ZNF800: variants seen among roughly 807,000 people sequenced by gnomAD.
The protein encoded by ZNF800 is zinc finger protein 800.
Under a neutral mutation model 59.5 loss-of-function variants are expected in ZNF800, and 13 were observed. The ratio of observed to expected loss-of-function variants is 0.22; its 90% CI spans 0.14 to 0.35. ZNF800 has a LOEUF of 0.35. Ranked by LOEUF, ZNF800 falls within the 10% of genes least tolerant of loss-of-function variation. The pLI, the probability that ZNF800 is intolerant of heterozygous loss-of-function variation, is 1.00. For missense variants in ZNF800, 621 were observed against 783.7 expected, an observed-to-expected ratio of 0.79 and a Z score of 2.48; for synonymous variants, 266 against 265.7, an observed-to-expected ratio of 1.00 and a Z score of -0.01.
Position 127,377,165 on chromosome 7 carries a change from G to T in ZNF800, c.301+21C>A. The T allele has an allele frequency of 6.3e-7, 1 of 1,598,332 alleles. No individual in the cohort carries two copies. The highest frequency in any genetic ancestry group is 1.1e-5 in the South Asian group (1 of 87,802). On this transcript the variant is annotated intron_variant, in intron 4 of 5. Transcript: ENST00000265827. The surrounding 1 kb of genome is among the most constrained non-coding windows in gnomAD (Gnocchi z 4.7). ...ATACTTAGCTGTAAAATGCATAACT[G>T]AGTATATGAATAAAACTTACTGTCA... is the stretch of plus-strand genomic sequence containing the variant.
At chr7:127,361,711 T>C (rs1341696429) in intron 1 of ZNF800, 1 of 152,164 alleles carries the variant, frequency 6.6e-6, no homozygotes, top group East Asian at 1.9e-4. Flanking sequence ...CAAGTGTAGA[T>C]GGCTGAATAA....
rs1800817349 is a variant in ZNF800 at position 127,377,365 on chromosome 7, AG to A, written c.158-37del. ...AAAGAAAAGAAAAACTTAACACAAA[AG>A]GTAACTTTAACATGCACTTTTAAAC... On this transcript the variant is annotated intron_variant, in intron 3 of 5. Coordinates refer to ENST00000265827, the MANE Select transcript of ZNF800 (RefSeq NM_176814.5). This position sits in a 1 kb window ranked among gnomAD's most constrained non-coding sequence, Gnocchi z 4.7. 1.3e-6 allele frequency: 2 copies of A among 1,557,238 alleles called. No homozygotes were observed. The highest frequency in any genetic ancestry group is 1.7e-6 in the Non-Finnish European group (2 of 1,148,390).
At position 127,390,814 on chromosome 7, in the gene ZNF800, CAAATT is replaced by C. The variant is rs144816852; in HGVS notation, c.61+678_61+682del. 5.7e-3 allele frequency among the ~76,000 whole-genome samples: 867 copies of C among 152,202 alleles called. 10 individuals carry two copies. The highest frequency in any genetic ancestry group is 0.019 in the African/African-American group (786 of 41,520). On this transcript the variant is annotated intron_variant, in intron 2 of 5. Coordinates refer to ENST00000265827, the MANE Select transcript of ZNF800 (RefSeq NM_176814.5). ...ACTGTCAACAGTATATCAAGTTTATCAAATTAAAGTTTGCTAGTATTCTTCATGAG... is the reference window on the plus strand; with the variant it reads ...ACTGTCAACAGTATATCAAGTTTATCAAAGTTTGCTAGTATTCTTCATGAG...
rs770244060 is a variant in ZNF800, at chr7:127,374,828, T to G, written c.508A>C (p.Ile170Leu). The G allele has an allele frequency of 1.2e-6, 2 of 1,613,530 alleles. No individual in the cohort carries two copies. Among genetic ancestry groups the G allele is most frequent in the Non-Finnish European group, 1.7e-6 (2 of 1,179,762 alleles). Residue 170 changes from isoleucine to leucine, a missense_variant, in exon 5 of 6, where the codon ATA becomes CTA. Transcript: ENST00000265827. ...SSTPEQTEVQ[I>L]QETSTEQSKT... ...GACTGTTCAGTGCTAGTTTCCTGTA[T>G]CTGAACTTCGGTTTGTTCAGGAGTA...
Position 127,374,761 on chromosome 7 carries a change from T to G in ZNF800, c.575A>C (p.Glu192Ala), listed in dbSNP as rs1207720953. Residue 192 changes from glutamate (E) to alanine (A), a missense_variant, in exon 5 of 6, where the codon GAG (glutamate) becomes GCG (alanine). Around this residue, in one of 7 missense-constraint regions of ZNF800, gnomAD observed 218 missense variants for 230.8 expected, o/e 0.94. Transcript: ENST00000265827. ...TGTAACAATCTCAACAGGAGGGGGC[T>G]CTACAGTTTCCACCTCTGTATCTGT... ...PVTDTEVETV[E>A]PPPVEIVTDE... 1 of 1,613,842 alleles carries G rather than the reference T, an allele frequency of 6.2e-7. No individual in the cohort carries two copies. Among genetic ancestry groups the G allele is most frequent in the Non-Finnish European group, 8.5e-7 (1 of 1,179,934 alleles).
rs765010268 is a variant in ZNF800, at chr7:127,374,535, T to G, written c.801A>C (p.Arg267=). Residue 267 remains arginine (R), a synonymous_variant, in exon 5 of 6, where the codon CGA becomes CGC. Coordinates refer to ENST00000265827, the MANE Select transcript of ZNF800 (RefSeq NM_176814.5). The stretch of plus-strand genomic sequence containing the variant: ...CTTTAGAGGATTGGTTTGGATTCTT[T>G]CGTGTTTCAATGTACTTTTTTAGTT... ...MEELKKYIET[R]KNPNQSSKGR... The G allele has an allele frequency of 1.1e-5, 17 of 1,614,062 alleles. No homozygotes were observed. Among genetic ancestry groups the G allele is most frequent in the Middle Eastern group, 1.6e-4 (1 of 6,084 alleles).
chr7:127,351,191 C>T (rs962943784), intron 1 of ZNF800, among the ~76,000 whole-genome samples: 6 of 152,228 alleles, frequency 3.9e-5, no homozygotes, highest in African/African-American at 1.2e-4. Context: ...CTGCACTCCC[C>T]TTACACTATT....
At chr7:127,356,255 CTG>C (rs569310339) in intron 1 of ZNF800, among the ~76,000 whole-genome samples, 13 of 143,716 alleles carry the variant, frequency 9.0e-5, no homozygotes, top group South Asian at 2.4e-4. Flanking sequence ...AAAGTTGTGT[CTG>C]TGTGTGTGTG....
At chr7:127,381,229 T>C (rs1412413384) in intron 3 of ZNF800, among the ~76,000 whole-genome samples, 1 of 152,194 alleles carries the variant, frequency 6.6e-6, no homozygotes, top group East Asian at 1.9e-4. Flanking sequence ...TTGCTTACTA[T>C]TGGCTCAAAT....
intron 2 of ZNF800, among the ~76,000 whole-genome samples, chr7:127,388,895 T>C (rs1801223209): frequency 1.3e-5 from 2 of 152,180 alleles, no homozygotes; most frequent in African/African-American, 4.8e-5. Context: ...ATTATATTAA[T>C]ACTTTATAAA....
At chr7:127,357,073 T>C (rs1418048671) in intron 1 of ZNF800, among the ~76,000 whole-genome samples, 1 of 152,050 alleles carries the variant, frequency 6.6e-6, no homozygotes, top group African/African-American at 2.4e-5. Context: ...GCAGGGCTGA[T>C]TTCTGAAAAG....
chr7:127,374,878 G>A lies in ZNF800; in HGVS notation c.458C>T (p.Pro153Leu), dbSNP rs1225678768. ...VFQYISRTDN[P>L]IEVTESSSTP... Reference sequence around the variant, plus strand: ...ACTGCTTGACTCTGTGACTTCAATAGGATTATCAGTCCTCGAAATATATTG... The same window carrying A: ...ACTGCTTGACTCTGTGACTTCAATAAGATTATCAGTCCTCGAAATATATTG... Residue 153 changes from proline (P) to leucine (L), a missense_variant, in exon 5 of 6, where the codon CCT becomes CTT. Physicochemically the swap from Pro to Leu is moderately conservative, Grantham distance 98. This residue lies in a region of ZNF800 where 218 missense variants were observed against 230.8 expected (regional missense o/e 0.94). Coordinates refer to ENST00000265827, the MANE Select transcript of ZNF800 (RefSeq NM_176814.5). The A allele has an allele frequency of 1.9e-6, 3 of 1,613,712 alleles. No individual in the cohort carries two copies. Among genetic ancestry groups the A allele is most frequent in the Non-Finnish European group, 2.5e-6 (3 of 1,179,886 alleles).
chr7:127,379,836 A>ACACCCCCCC (rs1800905313), intron 3 of ZNF800, among the ~76,000 whole-genome samples: 1 of 27,636 alleles, frequency 3.6e-5, no homozygotes, highest in Non-Finnish European at 6.6e-5. Context: ...TACCCTTGCC[A>ACACCCCCCC]CCCCCCCACC....
chr7:127,387,872 AAATT>A (rs750580103), intron 2 of ZNF800, among the ~76,000 whole-genome samples: 60 of 151,856 alleles, frequency 4.0e-4, no homozygotes, highest in East Asian at 7.7e-4. Flanking sequence ...ATAAATAAAC[AAATT>A]AATTAATTAA....
At chr7:127,363,050 A>AT (rs1800426500) in intron 1 of ZNF800, 1 of 152,134 alleles carries the variant, frequency 6.6e-6, no homozygotes, top group African/African-American at 2.4e-5. Flanking sequence ...AAGTTAAGGC[A>AT]TTTGCCAGGA....
downstream of ZNF800, among the ~76,000 whole-genome samples, chr7:127,365,103 T>C (rs1800477838): frequency 6.6e-6 from 1 of 152,096 alleles, no homozygotes; most frequent in African/African-American, 2.4e-5. Flanking sequence ...GTATTAAGAA[T>C]TATCAAGAAA....
chr7:127,391,607 G>C lies in ZNF800; in HGVS notation c.-50C>G. 3 of 1,564,072 alleles carry C rather than the reference G, an allele frequency of 1.9e-6. No individual in the cohort carries two copies. Among genetic ancestry groups the C allele is most frequent in the Non-Finnish European group, 2.6e-6 (3 of 1,134,750 alleles). ...CTTTCACTGTAAGAAGCTCTTCATTGCGGCGTGGCTGTTGAAAGAAGCACA... is the reference window on the plus strand; with the variant it reads ...CTTTCACTGTAAGAAGCTCTTCATTCCGGCGTGGCTGTTGAAAGAAGCACA... On this transcript the variant is annotated 5_prime_UTR_variant, in exon 2 of 6. Coordinates refer to ENST00000265827, the MANE Select transcript of ZNF800 (RefSeq NM_176814.5).
intron 1 of ZNF800, among the ~76,000 whole-genome samples, chr7:127,359,289 T>C (rs1800345513): frequency 6.6e-6 from 1 of 152,018 alleles, no homozygotes; most frequent in South Asian, 2.1e-4. Flanking sequence ...AAATCTCCTG[T>C]CATGTATCAT....
intron 1 of ZNF800, chr7:127,359,797 C>A (rs1338552655): frequency 6.6e-6 from 1 of 151,862 alleles, no homozygotes; most frequent in African/African-American, 2.4e-5. Flanking sequence ...TCATCCTCTG[C>A]GTACTGAAAC....
Sources: gnomAD v4.1 joint callset for allele counts (sites outside exome capture counted in the v4.1 genomes callset) on GRCh38, gnomAD v4.1.1 for gene constraint, gnomAD v4.1.1 regional missense constraint, Gnocchi (gnomAD v3.1) non-coding constraint, MANE v1.5 for transcripts, NCBI Gene and HGNC (gene_info 2026-07-23, HGNC 2026-07-21) for gene names.